Variants in PCDH11X observed in about 807,000 individuals in gnomAD.
PCDH11X encodes protocadherin-11 X-linked.
PCDH11X carries 18 observed loss-of-function variants against 53.3 expected under a neutral mutation model. The ratio of observed to expected loss-of-function variants is 0.34; its 90% CI spans 0.23 to 0.50. The LOEUF (loss-of-function observed/expected upper bound fraction) is 0.50. Among genes scored for constraint, PCDH11X ranks in the 20% least tolerant of loss-of-function variants. The pLI, the probability that PCDH11X is intolerant of heterozygous loss-of-function variation, is 0.98. For missense variants in PCDH11X, 570 were observed against 1,032.4 expected (o/e 0.55, Z 6.14); for synonymous variants, 279 against 393.3 (o/e 0.71, Z 3.44).
At chrX:92,512,431 C>A (rs2074179470) in intron 10 of PCDH11X, among the ~76,000 whole-genome samples, 1 of 111,454 alleles carries the variant, frequency 9.0e-6, no homozygotes, top group Non-Finnish European at 1.9e-5. Flanking sequence ...GAATTTTCTT[C>A]ATCATGTTAA....
Position 92,069,132 on chromosome X carries a change from T to G in PCDH11X, c.3034-132243T>G, listed in dbSNP as rs530985194. 2.3e-4 allele frequency among the ~76,000 whole-genome samples: 26 copies of G among 111,055 alleles called. No homozygotes were observed. In the South Asian group the frequency reaches 0.01, roughly 44 times the overall value. On this transcript the variant is annotated intron_variant, in intron 6 of 10. Transcript: ENST00000682573. Reference sequence around the variant, plus strand: ...CACTCTCTTCAGCTCTAATAATACTTGTTTTACATGTCTTGGTGTGCCAGT... The same window carrying G: ...CACTCTCTTCAGCTCTAATAATACTGGTTTTACATGTCTTGGTGTGCCAGT...
intron 6 of PCDH11X, among the ~76,000 whole-genome samples, chrX:92,193,427 C>T (rs932671417): frequency 9.0e-6 from 1 of 110,774 alleles, no homozygotes; most frequent in East Asian, 2.8e-4. Context: ...TTTACTATAT[C>T]GTGCTTTTCT....
chrX:92,283,858 A>T (rs2068302093), intron 8 of PCDH11X, among the ~76,000 whole-genome samples: 1 of 111,648 alleles, frequency 9.0e-6, no homozygotes, highest in Non-Finnish European at 1.9e-5. Context: ...ATGAAGGTAG[A>T]CATATTTCTC....
chrX:91,966,411 T>C (rs913363322), intron 6 of PCDH11X, among the ~76,000 whole-genome samples: 7 of 109,023 alleles, frequency 6.4e-5, no homozygotes, highest in Non-Finnish European at 1.3e-4. Flanking sequence ...AACTAAAGAA[T>C]AGTTTGTGTT....
chrX:92,218,259 C>G (rs2066766947), intron 7 of PCDH11X, among the ~76,000 whole-genome samples: 3 of 109,785 alleles, frequency 2.7e-5, no homozygotes, highest in Non-Finnish European at 3.8e-5. Flanking sequence ...AATCCAGGAG[C>G]TGGTTTTTTG....
chrX:92,116,899 T>G (rs1458868421), intron 6 of PCDH11X, among the ~76,000 whole-genome samples: 1 of 109,977 alleles, frequency 9.1e-6, no homozygotes, highest in African/African-American at 3.3e-5. Flanking sequence ...GCAAATTTAT[T>G]TTATAATTAA....
intron 7 of PCDH11X, among the ~76,000 whole-genome samples, chrX:92,256,107 C>T (rs1021308687): frequency 1.3e-4 from 14 of 111,911 alleles, no homozygotes; most frequent in Non-Finnish European, 2.3e-4. Flanking sequence ...TAGGACCCTC[C>T]GAGCCAGGTG....
At chrX:91,814,183 A>G (rs927598035) in intron 4 of PCDH11X, among the ~76,000 whole-genome samples, 1 of 110,346 alleles carries the variant, frequency 9.1e-6, no homozygotes, top group Admixed American at 9.8e-5. Context: ...CCTAATTTAT[A>G]CTTGTTCTTT....
intron 6 of PCDH11X, among the ~76,000 whole-genome samples, chrX:92,099,495 T>G (rs2064200429): frequency 9.0e-6 from 1 of 110,775 alleles, no homozygotes; most frequent in Admixed American, 9.7e-5. Flanking sequence ...TCTTTTGAAT[T>G]AAATTCTCTA....
chrX:91,806,334 ATGCTTCT>A (rs1238647545), intron 1 of PCDH11X, among the ~76,000 whole-genome samples: 3 of 113,470 alleles, frequency 2.6e-5, no homozygotes, highest in Non-Finnish European at 3.7e-5. Flanking sequence ...AGGGCATTTG[ATGCTTCT>A]CACCTTTCAC....
At chrX:92,617,720 G>A (rs1928136756) in intron 10 of PCDH11X, among the ~76,000 whole-genome samples, 1 of 111,121 alleles carries the variant, frequency 9.0e-6, no homozygotes, top group Admixed American at 9.7e-5. Flanking sequence ...GATGATTCCA[G>A]CAAATAAAGG....
intron 6 of PCDH11X, among the ~76,000 whole-genome samples, chrX:92,146,461 C>T (rs992510119): frequency 9.0e-6 from 1 of 111,311 alleles, no homozygotes. Context: ...TAATTAAAGC[C>T]TTTATATTCT....
chrX:92,505,152 C>CTTT (rs58620449), intron 10 of PCDH11X, among the ~76,000 whole-genome samples: 26 of 64,251 alleles, frequency 4.0e-4, no homozygotes, highest in African/African-American at 5.3e-4. Flanking sequence ...TTTCTTTTTT[C>CTTT]TTTTTTTTTT....
rs1179612657 is a variant in PCDH11X at position 91,954,412 on chromosome X, A to G, written c.3033+75139A>G. Among the ~76,000 whole-genome samples, 3 of 111,492 alleles carry G rather than the reference A, an allele frequency of 2.7e-5. No individual in the cohort carries two copies. In the Admixed American group the frequency reaches 2.9e-4, roughly 11 times the overall value. ...CTTTGGTATTGTGAATAGTGCTGCA[A>G]TGAACAGAGGCATGCATGTATCTTT... On this transcript the variant is annotated intron_variant, in intron 6 of 10. Transcript: ENST00000682573.
At chrX:92,073,153 T>A (rs2063727489) in intron 6 of PCDH11X, among the ~76,000 whole-genome samples, 1 of 111,678 alleles carries the variant, frequency 9.0e-6, no homozygotes, top group African/African-American at 3.3e-5. Context: ...TCTCCATACC[T>A]CATGGCCACA....
At chrX:91,937,247 A>C (rs2061456293) in intron 6 of PCDH11X, among the ~76,000 whole-genome samples, 2 of 110,481 alleles carry the variant, frequency 1.8e-5, no homozygotes, top group Non-Finnish European at 3.8e-5. Context: ...TATCAGTACT[A>C]TGTTGTTACA....
intron 8 of PCDH11X, among the ~76,000 whole-genome samples, chrX:92,355,190 T>G (rs6615370): frequency 0.2 from 19,751 of 97,985 alleles, 2,794 homozygotes; most frequent in East Asian, 0.8. Flanking sequence ...CACTTTGGGA[T>G]GCCGAGGCGG....
At chrX:92,216,576 T>C (rs1195927358) in intron 7 of PCDH11X, among the ~76,000 whole-genome samples, 4 of 104,273 alleles carry the variant, frequency 3.8e-5, no homozygotes, top group Non-Finnish European at 7.9e-5. Flanking sequence ...CTACGTCTGA[T>C]TGGTGTACCT....
At chrX:92,365,140 C>T (rs1427527380) in intron 8 of PCDH11X, among the ~76,000 whole-genome samples, 3 of 86,365 alleles carry the variant, frequency 3.5e-5, no homozygotes, top group Non-Finnish European at 7.0e-5. Flanking sequence ...ATGCACAGAG[C>T]TGTCTTCTCC....
Sources: gnomAD v4.1 joint callset for allele counts (sites outside exome capture counted in the v4.1 genomes callset) on GRCh38, gnomAD v4.1.1 for gene constraint, MANE v1.5 for transcripts, NCBI Gene and HGNC (gene_info 2026-07-23, HGNC 2026-07-21) for gene names.